Variants in TTC8 observed in about 807,000 individuals in gnomAD.
The protein encoded by TTC8 is tetratricopeptide repeat domain 8.
Under a neutral mutation model 72.5 loss-of-function variants are expected in TTC8, and 47 were observed. That is an observed-to-expected ratio of 0.65 (90% CI 0.51 to 0.83). The LOEUF (loss-of-function observed/expected upper bound fraction) is 0.83. Ranked by LOEUF, TTC8 falls within the 40% of genes least tolerant of loss-of-function variation. The pLI is 0.00. For missense variants in TTC8, 611 were observed against 623.2 expected (o/e 0.98, Z 0.21); for synonymous variants, 199 against 221.4 (o/e 0.90, Z 0.90).
chr14:88,872,303 G>T (rs1566859825), intron 12 of TTC8, 27 bp from the exon 13 acceptor site: 2 of 1,613,046 alleles, frequency 1.2e-6, no homozygotes, highest in Non-Finnish European at 1.7e-6. Flanking sequence ...CGGACCCATG[G>T]GTGTGAACAT....
chr14:88,847,259 A>G (rs1293470037), intron 7 of TTC8, among the ~76,000 whole-genome samples: 1 of 152,174 alleles, frequency 6.6e-6, no homozygotes, highest in Admixed American at 6.5e-5. Flanking sequence ...GTTCCTGTGT[A>G]GTAAAATAGA....
At chr14:88,838,189 A>G (rs1328948847) in intron 2 of TTC8, among the ~76,000 whole-genome samples, 1 of 152,182 alleles carries the variant, frequency 6.6e-6, no homozygotes, top group Admixed American at 6.5e-5. Context: ...GAGCTCACAA[A>G]AGGATCTTTG....
rs1175951427 is a variant in TTC8 at position 88,833,688 on chromosome 14, T to G, written c.115-5T>G. On this transcript the variant is annotated splice_polypyrimidine_tract_variant and splice_region_variant and intron_variant, in intron 1 of 14. Transcript: ENST00000380656. ...ACTGTTTACTGCCTTCTTAATGCTT[T>G]CCAGGAACCAGATCCTGAATTGCCA... 5.6e-6 allele frequency: 9 copies of G among 1,613,594 alleles called. No homozygotes were observed. Among genetic ancestry groups the G allele is most frequent in the Non-Finnish European group, 7.6e-6 (9 of 1,179,652 alleles).
intron 7 of TTC8, among the ~76,000 whole-genome samples, chr14:88,851,305 A>G (rs554296694): frequency 5.9e-5 from 9 of 152,282 alleles, no homozygotes; most frequent in Admixed American, 2.0e-4. Context: ...TTTATTCTGT[A>G]TCAATAATTT....
intron 8 of TTC8, among the ~76,000 whole-genome samples, chr14:88,853,371 GA>G (rs541837226): frequency 3.9e-5 from 6 of 152,154 alleles, no homozygotes; most frequent in Non-Finnish European, 7.4e-5. Flanking sequence ...CCAGGGACTA[GA>G]ACCAAGTCTG....
At chr14:88,864,665 G>A (rs2094902290) in intron 10 of TTC8, among the ~76,000 whole-genome samples, 1 of 152,194 alleles carries the variant, frequency 6.6e-6, no homozygotes, top group South Asian at 2.1e-4. Context: ...CATCTTAGCT[G>A]TAGGGACAAT....
chr14:88,833,420 G>A (rs967827683), intron 1 of TTC8, among the ~76,000 whole-genome samples: 7 of 152,178 alleles, frequency 4.6e-5, no homozygotes, highest in Admixed American at 4.6e-4. Flanking sequence ...GATATATTGT[G>A]TGTTCATTAA....
intron 2 of TTC8, among the ~76,000 whole-genome samples, chr14:88,835,856 A>T (rs959094195): frequency 2.0e-5 from 3 of 151,998 alleles, no homozygotes; most frequent in African/African-American, 7.2e-5. Flanking sequence ...AAAAATTATT[A>T]TTTTTTTAAA....
intron 14 of TTC8, among the ~76,000 whole-genome samples, chr14:88,876,891 T>C (rs889651476): frequency 2.6e-5 from 4 of 152,204 alleles, no homozygotes; most frequent in African/African-American, 7.2e-5. Flanking sequence ...TACAGATAGT[T>C]TTCTCTAAGT....
chr14:88,850,806 G>A (rs559460880), intron 7 of TTC8, among the ~76,000 whole-genome samples: 1 of 152,326 alleles, frequency 6.6e-6, no homozygotes, highest in South Asian at 2.1e-4. Flanking sequence ...CGTGACCTCG[G>A]TCTGGGGATA....
At chr14:88,839,604 A>T in intron 3 of TTC8, 32 bp downstream of exon 3, 1 of 1,610,306 alleles carries the variant, frequency 6.2e-7, no homozygotes, top group Non-Finnish European at 8.5e-7. Flanking sequence ...AAGTTAATGA[A>T]ATACCATTAA....
chr14:88,829,487 C>G (rs1229490247), intron 1 of TTC8, among the ~76,000 whole-genome samples: 1 of 152,120 alleles, frequency 6.6e-6, no homozygotes, highest in African/African-American at 2.4e-5. Flanking sequence ...TGATTTTTAG[C>G]TCCATTATAA....
chr14:88,863,552 A>C (rs2094897644), intron 10 of TTC8, among the ~76,000 whole-genome samples: 1 of 152,252 alleles, frequency 6.6e-6, no homozygotes, highest in African/African-American at 2.4e-5. Context: ...TCCCAGAAGT[A>C]AACAGGCATT....
chr14:88,852,748 C>A (rs1368050894), intron 7 of TTC8, among the ~76,000 whole-genome samples: 3 of 152,044 alleles, frequency 2.0e-5, no homozygotes, highest in Non-Finnish European at 2.9e-5. Flanking sequence ...ATCTGCTTCC[C>A]TTTGATGAGT....
In TTC8 at chr14:88,877,180, A is replaced by T. The variant is rs532913682; in HGVS notation, c.1432-114A>T. ...TGTGGGTTTGTTAAAAAAAAAAGAA[A>T]AGAACCCTTTGAATTTCTACAGCAT... On this transcript the variant is annotated intron_variant, in intron 14 of 14. Transcript: ENST00000380656. 6 of 809,308 alleles carry T rather than the reference A, an allele frequency of 7.4e-6. No individual in the cohort carries two copies. The Admixed American group carries it at 1.1e-4, about 15-fold the overall frequency. The allele number at this position is 809,308 out of a possible 1,614,324, so 50.1% of individuals were successfully genotyped here. A position where few individuals can be genotyped will look rare whatever the true frequency, so the allele number is the denominator to read the frequency against.
intron 1 of TTC8, among the ~76,000 whole-genome samples, chr14:88,827,641 G>T (rs986107683): frequency 2.0e-5 from 3 of 152,110 alleles, no homozygotes; most frequent in Admixed American, 1.3e-4. Flanking sequence ...TTTGAACACT[G>T]TGCTGTTATT....
intron 3 of TTC8, 83 bp from the exon 4 acceptor site, chr14:88,840,782 G>A (rs752534418): frequency 1.5e-5 from 21 of 1,392,922 alleles, no homozygotes; most frequent in East Asian, 1.2e-4. Context: ...CCAGGCCAGC[G>A]CAATTCTGAA....
At position 88,853,060 on chromosome 14, in the gene TTC8, A is replaced by C. The variant is rs1352481954; in HGVS notation, c.710+4A>C. On this transcript the variant is annotated splice_donor_region_variant and intron_variant, in intron 8 of 14. Coordinates refer to ENST00000380656, the MANE Select transcript of TTC8 (RefSeq NM_144596.4). ...AGATTGGAAAATGTTACTACAGGTA[A>C]ATTTCATTATTTGTGAAGGGCTTAG... 1.2e-6 allele frequency: 2 copies of C among 1,609,616 alleles called. No homozygotes were observed. The highest frequency in any genetic ancestry group is 1.7e-6 in the Non-Finnish European group (2 of 1,176,280).
intron 9 of TTC8, among the ~76,000 whole-genome samples, chr14:88,860,727 T>C (rs2094881721): frequency 1.3e-5 from 2 of 152,192 alleles, no homozygotes; most frequent in South Asian, 4.1e-4. Flanking sequence ...ATGAATGCTT[T>C]ATGTATAACA....
Sources: allele counts gnomAD v4.1 joint callset (sites outside exome capture counted in the v4.1 genomes callset), GRCh38; gene constraint gnomAD v4.1.1; transcripts MANE v1.5; gene names NCBI Gene and HGNC (gene_info 2026-07-23, HGNC 2026-07-21).